Variants in CLVS1 observed in about 807,000 individuals in gnomAD.
CLVS1 encodes the protein clavesin-1.
CLVS1 carries 10 observed loss-of-function variants against 33.1 expected under a neutral mutation model. That is an observed-to-expected ratio of 0.30 (90% CI 0.19 to 0.51). The LOEUF is 0.51. Among genes scored for constraint, CLVS1 ranks in the 20% least tolerant of loss-of-function variants. CLVS1 has a pLI of 0.97. For synonymous variants in CLVS1, 163 were observed against 166.1 expected (o/e 0.98, Z 0.14); for missense variants, 343 against 433.4 (o/e 0.79, Z 1.85).
At chr8:61,080,522 T>C (rs926530110) in intron 1 of CLVS1, among the ~76,000 whole-genome samples, 2 of 152,230 alleles carry the variant, frequency 1.3e-5, no homozygotes, top group Admixed American at 1.3e-4. Flanking sequence ...TTTATTTCCT[T>C]TGTGAATGTC....
chr8:61,284,974 C>T (rs958674990), upstream of CLVS1, among the ~76,000 whole-genome samples: 11 of 152,088 alleles, frequency 7.2e-5, no homozygotes, highest in Non-Finnish European at 1.5e-5. Flanking sequence ...AGCTCTGTGC[C>T]TCTAAAGACC....
intron 3 of CLVS1, among the ~76,000 whole-genome samples, chr8:61,401,458 G>T (rs1161757971): frequency 6.6e-6 from 1 of 152,058 alleles, no homozygotes; most frequent in Non-Finnish European, 1.5e-5. Context: ...TCCCACATTT[G>T]TTCAGTTAAT....
At chr8:61,453,730 G>A (rs1334702639) in intron 3 of CLVS1, among the ~76,000 whole-genome samples, 3 of 152,122 alleles carry the variant, frequency 2.0e-5, no homozygotes, top group Non-Finnish European at 4.4e-5. Context: ...CGGTGGAGAG[G>A]GTGGGAGCGG....
chr8:61,265,489 T>G (rs566522432), intron 2 of CLVS1, among the ~76,000 whole-genome samples: 1 of 152,358 alleles, frequency 6.6e-6, no homozygotes. Context: ...GAAGTTTAAA[T>G]GTAAAGCACT....
intron 3 of CLVS1, among the ~76,000 whole-genome samples, chr8:61,419,396 C>CAAAAAAAAA (rs10635998): frequency 2.8e-5 from 2 of 70,334 alleles, no homozygotes; most frequent in African/African-American, 9.0e-5. Context: ...GACTCCGTCT[C>CAAAAAAAAA]AAAAAAAAAA....
chr8:61,482,035 T>G (rs1818214384), intron 5 of CLVS1, among the ~76,000 whole-genome samples: 1 of 152,218 alleles, frequency 6.6e-6, no homozygotes, highest in African/African-American at 2.4e-5. Flanking sequence ...CATCTGCTGT[T>G]CTGCAATATT....
chr8:61,019,187 A>C, the CLVS1 span, among the ~76,000 whole-genome samples: 1 of 152,256 alleles, frequency 6.6e-6, no homozygotes, highest in South Asian at 2.1e-4. Flanking sequence ...AAAGCATGAG[A>C]GTAGGCAGTC....
chr8:61,097,859 T>C (rs1273249747), intron 1 of CLVS1, among the ~76,000 whole-genome samples: 1 of 152,190 alleles, frequency 6.6e-6, no homozygotes, highest in Non-Finnish European at 1.5e-5. Flanking sequence ...ACTTCTATAA[T>C]CTACAATCAT....
chr8:61,239,305 G>A (rs189206829), intron 2 of CLVS1, among the ~76,000 whole-genome samples: 2 of 152,144 alleles, frequency 1.3e-5, no homozygotes, highest in South Asian at 2.1e-4. Flanking sequence ...ATTGCTTAAC[G>A]TTGGTGGAAT....
intron 2 of CLVS1, among the ~76,000 whole-genome samples, chr8:61,169,909 T>A (rs1806958458): frequency 6.6e-6 from 1 of 152,186 alleles, no homozygotes; most frequent in African/African-American, 2.4e-5. Flanking sequence ...TATCTTCACT[T>A]TTATGTGGGC....
chr8:60,972,499 G>A, the CLVS1 span, among the ~76,000 whole-genome samples: 16 of 152,286 alleles, frequency 1.1e-4, no homozygotes, highest in East Asian at 2.1e-3. Flanking sequence ...TAAGATATAG[G>A]TATAGTTAAG....
At chr8:61,128,686 G>T (rs558907431) in intron 1 of CLVS1, among the ~76,000 whole-genome samples, 3 of 152,280 alleles carry the variant, frequency 2.0e-5, no homozygotes, top group Admixed American at 6.5e-5. Context: ...CATTCAATAC[G>T]TGAAGGTACC....
chr8:61,245,270 C>A (rs1360891499), intron 2 of CLVS1, among the ~76,000 whole-genome samples: 1 of 152,088 alleles, frequency 6.6e-6, no homozygotes, highest in East Asian at 1.9e-4. Flanking sequence ...GCAACCTCTG[C>A]CTCCTGAGTT....
the CLVS1 span, among the ~76,000 whole-genome samples, chr8:61,042,236 C>A: frequency 6.6e-6 from 1 of 152,170 alleles, no homozygotes; most frequent in African/African-American, 2.4e-5. Flanking sequence ...TTGGGTAAAG[C>A]ATTTAGAATA....
intron 3 of CLVS1, among the ~76,000 whole-genome samples, chr8:61,427,694 CAG>C (rs1432312320): frequency 6.6e-6 from 1 of 152,154 alleles, no homozygotes; most frequent in Non-Finnish European, 1.5e-5. Flanking sequence ...AAACTGGGCT[CAG>C]AGAGGTTAAG....
intron 1 of CLVS1, among the ~76,000 whole-genome samples, chr8:61,293,400 T>C (rs976101690): frequency 6.6e-6 from 1 of 152,086 alleles, no homozygotes; most frequent in Admixed American, 6.5e-5. Context: ...TAATGGCCAA[T>C]CTGAAAATTC....
upstream of CLVS1, chr8:61,287,954 A>G: frequency 2.6e-6 from 1 of 382,146 alleles, no homozygotes; most frequent in Admixed American, 3.0e-5. Context: ...AGAAGGACAG[A>G]GAATCGGGCG....
intron 2 of CLVS1, among the ~76,000 whole-genome samples, chr8:61,240,202 C>T (rs999469589): frequency 1.3e-5 from 2 of 152,224 alleles, no homozygotes; most frequent in African/African-American, 4.8e-5. Flanking sequence ...CTTCCCACCA[C>T]CATTAGAATA....
the CLVS1 span, among the ~76,000 whole-genome samples, chr8:61,041,602 T>C: frequency 3.3e-5 from 5 of 152,180 alleles, no homozygotes; most frequent in Non-Finnish European, 7.4e-5. Flanking sequence ...GTAAGTGGGA[T>C]TGCATTCCTG....
Sources: gnomAD v4.1 joint callset for allele counts (sites outside exome capture counted in the v4.1 genomes callset) on GRCh38, gnomAD v4.1.1 for gene constraint, MANE v1.5 for transcripts, NCBI Gene and HGNC (gene_info 2026-07-23, HGNC 2026-07-21) for gene names.